Variants in R3HCC1L observed in about 807,000 individuals in gnomAD.
The protein encoded by R3HCC1L is coiled-coil domain-containing protein R3HCC1L.
In R3HCC1L, 51 loss-of-function variants were observed where a neutral mutation model predicts 59.9. The ratio of observed to expected loss-of-function variants is 0.85; its 90% CI spans 0.68 to 1.07. The LOEUF (loss-of-function observed/expected upper bound fraction) is 1.07, where lower values mean the gene tolerates loss of function less well. Among genes scored for constraint, R3HCC1L ranks in the 50% least tolerant of loss-of-function variants. The pLI is 0.00. For synonymous variants in R3HCC1L, 322 were observed against 315.2 expected, an observed-to-expected ratio of 1.02 and a Z score of -0.23; for missense variants, 965 against 933.0, an observed-to-expected ratio of 1.03 and a Z score of -0.45.
intron 1 of R3HCC1L, among the ~76,000 whole-genome samples, chr10:98,152,186 C>A (rs530747019): frequency 1.3e-5 from 2 of 152,238 alleles, no homozygotes; most frequent in Non-Finnish European, 2.9e-5. Flanking sequence ...AGCTCCTAAC[C>A]GCGAGTGGTC....
At chr10:98,153,641 A>G (rs1026428278) in intron 1 of R3HCC1L, among the ~76,000 whole-genome samples, 4 of 151,472 alleles carry the variant, frequency 2.6e-5, no homozygotes, top group Non-Finnish European at 5.9e-5. Flanking sequence ...AGAAGTTTAG[A>G]CACAACAGCT....
intron 4 of R3HCC1L, among the ~76,000 whole-genome samples, chr10:98,176,049 T>A (rs140734073): frequency 2.0e-5 from 3 of 152,280 alleles, no homozygotes; most frequent in South Asian, 2.1e-4. Flanking sequence ...TTTCATAGAA[T>A]TTCCTTTATA....
chr10:98,155,971 A>G (rs1171281958), intron 1 of R3HCC1L, 122 bp from the exon 2 acceptor site: 1 of 152,056 alleles, frequency 6.6e-6, no homozygotes, highest in African/African-American at 2.4e-5. Flanking sequence ...TGCCTGTGCA[A>G]ATTTTATTTG....
chr10:98,189,409 T>C (rs1314490661), intron 4 of R3HCC1L, among the ~76,000 whole-genome samples: 1 of 152,200 alleles, frequency 6.6e-6, no homozygotes, highest in Non-Finnish European at 1.5e-5. Context: ...TTTTTACTAG[T>C]GATTCTGTTT....
chr10:98,218,967 A>G (rs1280778284), intron 5 of R3HCC1L, among the ~76,000 whole-genome samples: 1 of 151,990 alleles, frequency 6.6e-6, no homozygotes, highest in Non-Finnish European at 1.5e-5. Flanking sequence ...GCTGGAGTGT[A>G]GTGGCATGGT....
At chr10:98,197,461 C>T (rs1486947199) in intron 4 of R3HCC1L, among the ~76,000 whole-genome samples, 2 of 152,166 alleles carry the variant, frequency 1.3e-5, no homozygotes, top group Non-Finnish European at 2.9e-5. Flanking sequence ...CCATTTTACT[C>T]TGTAGCCTTA....
intron 1 of R3HCC1L, among the ~76,000 whole-genome samples, chr10:98,136,578 G>A (rs140896682): frequency 6.6e-6 from 1 of 152,186 alleles, no homozygotes; most frequent in African/African-American, 2.4e-5. Context: ...CCTCACGCCT[G>A]TAATCCTAGC....
chr10:98,239,642 G>T (rs1458683894), intron 9 of R3HCC1L, among the ~76,000 whole-genome samples: 1 of 151,996 alleles, frequency 6.6e-6, no homozygotes, highest in African/African-American at 2.4e-5. Context: ...TAAGAATTTT[G>T]AATTTGTGAT....
chr10:98,215,177 G>A (rs894316430), intron 5 of R3HCC1L, among the ~76,000 whole-genome samples: 1 of 152,000 alleles, frequency 6.6e-6, no homozygotes, highest in Admixed American at 6.6e-5. Flanking sequence ...TAAAAGAGAA[G>A]GATAACAATA....
At chr10:98,141,615 A>G (rs1490855523) in intron 1 of R3HCC1L, among the ~76,000 whole-genome samples, 1 of 152,218 alleles carries the variant, frequency 6.6e-6, no homozygotes, top group Non-Finnish European at 1.5e-5. Flanking sequence ...GGGAAGATTC[A>G]AAAGCTGGTG....
chr10:98,171,804 A>G (rs1488730756), intron 4 of R3HCC1L, among the ~76,000 whole-genome samples: 1 of 152,150 alleles, frequency 6.6e-6, no homozygotes, highest in Non-Finnish European at 1.5e-5. Context: ...TACAAGTCCA[A>G]GTTGCTGTCT....
chr10:98,177,471 A>T (rs1212710800), intron 4 of R3HCC1L, among the ~76,000 whole-genome samples: 2 of 152,218 alleles, frequency 1.3e-5, no homozygotes, highest in African/African-American at 2.4e-5. Flanking sequence ...TGCTATTGTG[A>T]ATAGTGCCTC....
chr10:98,204,898 T>C lies in R3HCC1L; in HGVS notation c.-14-3203T>C, dbSNP rs150365350. Among the ~76,000 whole-genome samples, 584 of 152,234 alleles carry C rather than the reference T, an allele frequency of 3.8e-3. 16 individuals are homozygous for C. The highest frequency in any genetic ancestry group is 0.026 in the Admixed American group (403 of 15,284). On this transcript the variant is annotated intron_variant, in intron 4 of 9. Transcript: ENST00000298999. Reference sequence around the variant, plus strand: ...TCCAGGCATCCATTGGGGATCTTGGTACATATCTGCCGCAGATAAGAGTGG... The same window carrying C: ...TCCAGGCATCCATTGGGGATCTTGGCACATATCTGCCGCAGATAAGAGTGG...
At chr10:98,167,271 T>G (rs1346064026) in intron 4 of R3HCC1L, among the ~76,000 whole-genome samples, 2 of 152,210 alleles carry the variant, frequency 1.3e-5, no homozygotes, top group Non-Finnish European at 2.9e-5. Context: ...TTCTTGGAAC[T>G]CTAATGAATA....
At chr10:98,156,826 C>A (rs1846930116) in intron 2 of R3HCC1L, among the ~76,000 whole-genome samples, 1 of 152,124 alleles carries the variant, frequency 6.6e-6, no homozygotes, top group Non-Finnish European at 1.5e-5. Flanking sequence ...TTTTTACAAT[C>A]GAATGGGTGT....
chr10:98,163,708 A>T (rs2134214187), intron 4 of R3HCC1L, among the ~76,000 whole-genome samples: 1 of 152,316 alleles, frequency 6.6e-6, no homozygotes, highest in South Asian at 2.1e-4. Context: ...CTGAGAGTTA[A>T]CATCCTTCTT....
At chr10:98,145,655 T>A (rs1028606132) in intron 1 of R3HCC1L, among the ~76,000 whole-genome samples, 8 of 152,166 alleles carry the variant, frequency 5.3e-5, no homozygotes, top group African/African-American at 1.2e-4. Context: ...TAGAGCCACA[T>A]AAGAAAACCA....
chr10:98,203,010 A>G (rs1257619317), intron 4 of R3HCC1L, among the ~76,000 whole-genome samples: 4 of 152,182 alleles, frequency 2.6e-5, no homozygotes, highest in African/African-American at 9.6e-5. Context: ...TGGATCCTGT[A>G]TGGAAAGGGA....
intron 1 of R3HCC1L, among the ~76,000 whole-genome samples, chr10:98,140,712 AAATC>A (rs1845056287): frequency 6.6e-6 from 1 of 152,210 alleles, no homozygotes; most frequent in Non-Finnish European, 1.5e-5. Flanking sequence ...TATTAATAGT[AAATC>A]AAGTAACATG....
Sources: allele counts gnomAD v4.1 joint callset (sites outside exome capture counted in the v4.1 genomes callset), GRCh38; gene constraint gnomAD v4.1.1; transcripts MANE v1.5; gene names NCBI Gene and HGNC (gene_info 2026-07-23, HGNC 2026-07-21).